Variants in SPATA31F3 observed in about 807,000 individuals in gnomAD.
SPATA31F3 encodes SPATA31 subfamily F member 3, also known as protein SPATA31F3.
At chr9:34,895,444 C>T in the SPATA31F3 span, 1 of 397,252 alleles carries the variant, frequency 2.5e-6, no homozygotes, top group Non-Finnish European at 4.4e-6. Context: ...AATAATCACC[C>T]AAATTGGGAG....
the SPATA31F3 span, chr9:34,894,416 G>T: frequency 1.5e-5 from 6 of 398,448 alleles, no homozygotes; most frequent in Non-Finnish European, 2.2e-5. Context: ...TAGCAGCTGG[G>T]AGACTGCAAA....
the SPATA31F3 span, among the ~76,000 whole-genome samples, chr9:34,893,921 C>A: frequency 1.3e-5 from 2 of 152,176 alleles, no homozygotes; most frequent in African/African-American, 2.4e-5. Flanking sequence ...TATTTGGTAT[C>A]CCTGCTGATA....
At chr9:34,890,365 T>C in the SPATA31F3 span, among the ~76,000 whole-genome samples, 2 of 152,202 alleles carry the variant, frequency 1.3e-5, no homozygotes, top group Non-Finnish European at 2.9e-5. Flanking sequence ...TCCTCACTTT[T>C]GCAAAGACCT....
At chr9:34,890,109 C>A in the SPATA31F3 span, among the ~76,000 whole-genome samples, 1 of 152,176 alleles carries the variant, frequency 6.6e-6, no homozygotes, top group Non-Finnish European at 1.5e-5. Flanking sequence ...CTCAAGGCAA[C>A]CATCTTAGCT....
chr9:34,892,647 AG>A, the SPATA31F3 span: 1 of 454,702 alleles, frequency 2.2e-6, no homozygotes, highest in Non-Finnish European at 3.9e-6. Context: ...CTAGTATTCA[AG>A]GGCTGCTGAC....
the SPATA31F3 span, chr9:34,894,917 G>T: frequency 5.0e-6 from 2 of 397,132 alleles, no homozygotes; most frequent in Admixed American, 4.4e-5. Context: ...TTGTCCCTGG[G>T]GGGTACTAGA....
At chr9:34,893,064 T>A in the SPATA31F3 span, 1 of 972,004 alleles carries the variant, frequency 1.0e-6, no homozygotes, top group East Asian at 2.6e-5. Flanking sequence ...AATTGCTTAA[T>A]CTCCAGAGCC....
the SPATA31F3 span, among the ~76,000 whole-genome samples, chr9:34,895,401 G>T: frequency 6.6e-6 from 1 of 152,276 alleles, no homozygotes; most frequent in East Asian, 1.9e-4. Context: ...AAGGAGTTCA[G>T]CCATCAAATG....
At chr9:34,891,142 T>A in the SPATA31F3 span, among the ~76,000 whole-genome samples, 1 of 152,152 alleles carries the variant, frequency 6.6e-6, no homozygotes, top group African/African-American at 2.4e-5. Flanking sequence ...CAGCTCAGGA[T>A]CATCAGTAAC....
chr9:34,894,917 G>A, the SPATA31F3 span: 12 of 397,014 alleles, frequency 3.0e-5, no homozygotes, highest in East Asian at 7.1e-5. Context: ...TTGTCCCTGG[G>A]GGGTACTAGA....
chr9:34,890,803 G>A, the SPATA31F3 span, among the ~76,000 whole-genome samples: 220 of 152,306 alleles, frequency 1.4e-3, 1 homozygote, highest in East Asian at 0.037. Context: ...TGGCCAAGAT[G>A]GGTGCCTTGA....
At chr9:34,892,577 T>C in the SPATA31F3 span, 1 of 431,656 alleles carries the variant, frequency 2.3e-6, no homozygotes, top group Non-Finnish European at 4.1e-6. Flanking sequence ...GAAAGGAATG[T>C]AGGGTCATAG....
At chr9:34,890,652 T>A in the SPATA31F3 span, among the ~76,000 whole-genome samples, 4 of 152,248 alleles carry the variant, frequency 2.6e-5, no homozygotes, top group Non-Finnish European at 4.4e-5. Context: ...TCCCTTGGTT[T>A]AGCAATCTTT....
the SPATA31F3 span, among the ~76,000 whole-genome samples, chr9:34,890,399 C>G: frequency 6.6e-6 from 1 of 152,192 alleles, no homozygotes; most frequent in African/African-American, 2.4e-5. Context: ...TAGGGCCCTC[C>G]AGGCTGGGTT....
the SPATA31F3 span, chr9:34,894,323 C>T: frequency 8.3e-5 from 33 of 396,396 alleles, 1 homozygote. Context: ...AACCAGCCTC[C>T]ACTGTGTATG....
At chr9:34,889,494 T>C in the SPATA31F3 span, 1 of 398,594 alleles carries the variant, frequency 2.5e-6, no homozygotes, top group South Asian at 1.3e-4. Flanking sequence ...TGGACTCTTC[T>C]CAATGTTTTT....
At chr9:34,893,865 G>A in the SPATA31F3 span, among the ~76,000 whole-genome samples, 13 of 152,186 alleles carry the variant, frequency 8.5e-5, no homozygotes, top group African/African-American at 2.9e-4. Context: ...CCCAAAGCCC[G>A]GTATTTGGGC....
At chr9:34,890,560 A>G in the SPATA31F3 span, among the ~76,000 whole-genome samples, 1 of 152,206 alleles carries the variant, frequency 6.6e-6, no homozygotes, top group African/African-American at 2.4e-5. Flanking sequence ...TTCAACGGCA[A>G]GCTGTTCTTT....
chr9:34,890,071 G>A, the SPATA31F3 span, among the ~76,000 whole-genome samples: 1 of 152,216 alleles, frequency 6.6e-6, no homozygotes, highest in African/African-American at 2.4e-5. Context: ...GGGCTCCGCA[G>A]ATCCAGACAG....
Sources: allele counts gnomAD v4.1 joint callset (sites outside exome capture counted in the v4.1 genomes callset), GRCh38; gene constraint gnomAD v4.1.1; transcripts MANE v1.5; gene names NCBI Gene and HGNC (gene_info 2026-07-23, HGNC 2026-07-21).